ROR2: variants seen among roughly 807,000 people sequenced by gnomAD.
The protein encoded by ROR2 is tyrosine-protein kinase transmembrane receptor ROR2.
A neutral mutation model predicts 74.9 loss-of-function variants in ROR2; 33 were observed. That is an observed-to-expected ratio of 0.44 (90% CI 0.33 to 0.59). ROR2 has a LOEUF of 0.59. Among genes scored for constraint, ROR2 ranks in the 20% least tolerant of loss-of-function variants. The pLI is 0.02. For synonymous variants in ROR2, 586 were observed against 558.7 expected (o/e 1.05, Z -0.69); for missense variants, 1,216 against 1,313.8 (o/e 0.93, Z 1.15).
chr9:91,730,889 A>C (rs1837215645), intron 7 of ROR2, 21 bp downstream of exon 7: 4 of 1,614,012 alleles, frequency 2.5e-6, no homozygotes, highest in Non-Finnish European at 3.4e-6. Flanking sequence ...CACATTAAAA[A>C]AAGAGAGAGA....
At chr9:91,938,851 A>G (rs1831772942) in intron 1 of ROR2, among the ~76,000 whole-genome samples, 1 of 152,244 alleles carries the variant, frequency 6.6e-6, no homozygotes, top group Admixed American at 6.5e-5. Flanking sequence ...TTTGGCTCCC[A>G]TTAAAAGACA....
intron 1 of ROR2, among the ~76,000 whole-genome samples, chr9:91,937,049 ATTTCCC>A (rs1278170443): frequency 6.7e-5 from 10 of 148,656 alleles, no homozygotes; most frequent in African/African-American, 2.2e-4. Context: ...AAAAAAAAAG[ATTTCCC>A]ATCTTCTACT....
chr9:91,832,883 T>C (rs1382102325), intron 1 of ROR2, among the ~76,000 whole-genome samples: 2 of 152,154 alleles, frequency 1.3e-5, no homozygotes, highest in African/African-American at 2.4e-5. Flanking sequence ...GGGCCTCCTA[T>C]AGCCCCAAAC....
At chr9:91,925,740 G>C (rs534001495) in intron 1 of ROR2, among the ~76,000 whole-genome samples, 1 of 152,284 alleles carries the variant, frequency 6.6e-6, no homozygotes, top group African/African-American at 2.4e-5. Context: ...GAGAGCCAGA[G>C]AGAAGAAAAC....
chr9:91,754,320 T>C (rs1825675133), intron 4 of ROR2, among the ~76,000 whole-genome samples: 1 of 151,090 alleles, frequency 6.6e-6, no homozygotes. Context: ...AATATATTTA[T>C]GTAACTATAT....
intron 1 of ROR2, among the ~76,000 whole-genome samples, chr9:91,814,901 G>A (rs925293288): frequency 1.3e-5 from 2 of 152,196 alleles, no homozygotes; most frequent in African/African-American, 4.8e-5. Context: ...GGCCCGGCTG[G>A]TTTCCACGGG....
chr9:91,804,002 G>A (rs550378125), intron 1 of ROR2, among the ~76,000 whole-genome samples: 39 of 152,272 alleles, frequency 2.6e-4, no homozygotes, highest in Admixed American at 4.6e-4. Context: ...TTGAGATTTC[G>A]TTATTAATTT....
chr9:91,845,310 G>A (rs544592954), intron 1 of ROR2, among the ~76,000 whole-genome samples: 35 of 152,242 alleles, frequency 2.3e-4, no homozygotes, highest in South Asian at 1.2e-3. Flanking sequence ...GCTGCAACCA[G>A]CCAGAGCCAC....
chr9:91,935,449 A>T (rs1230869579), intron 1 of ROR2, among the ~76,000 whole-genome samples: 1 of 152,236 alleles, frequency 6.6e-6, no homozygotes, highest in Non-Finnish European at 1.5e-5. Flanking sequence ...ATTTGGTCCT[A>T]ACACAGCCTC....
intron 1 of ROR2, among the ~76,000 whole-genome samples, chr9:91,903,977 C>T (rs1463711548): frequency 6.6e-6 from 1 of 152,058 alleles, no homozygotes; most frequent in African/African-American, 2.4e-5. Flanking sequence ...TGTGAACCAT[C>T]CCACAAGGTA....
intron 1 of ROR2, 147 bp from the exon 2 acceptor site, chr9:91,775,965 T>C: frequency 5.6e-6 from 4 of 720,194 alleles, no homozygotes; most frequent in South Asian, 3.0e-5. Context: ...TGGTAACCTC[T>C]AGAGGGATTT....
chr9:91,741,215 G>GA (rs1825226147), intron 4 of ROR2, among the ~76,000 whole-genome samples: 1 of 151,744 alleles, frequency 6.6e-6, no homozygotes, highest in African/African-American at 2.4e-5. Flanking sequence ...CAGGGGAATC[G>GA]CTTGAACCCG....
chr9:91,778,466 T>A (rs185625734), intron 1 of ROR2, among the ~76,000 whole-genome samples: 4 of 152,304 alleles, frequency 2.6e-5, no homozygotes, highest in African/African-American at 9.6e-5. Flanking sequence ...GCAGGCACCC[T>A]TGCACCCCAG....
At position 91,756,064 on chromosome 9, in the gene ROR2, T is replaced by TA; in HGVS notation, c.494+6dup. ...CAGAACACGGCTTGGGGAAAACAGA[T>TA]ACTTACTGAAAGTTATGATTTGGGC... On this transcript the variant is annotated splice_region_variant and intron_variant, in intron 4 of 8. Coordinates refer to ENST00000375708, the MANE Select transcript of ROR2 (RefSeq NM_004560.4). 6.2e-7 allele frequency: 1 copy of TA among 1,613,926 alleles called. No individual in the cohort carries two copies. The highest frequency in any genetic ancestry group is 8.5e-7 in the Non-Finnish European group (1 of 1,179,762).
intron 5 of ROR2, among the ~76,000 whole-genome samples, chr9:91,734,315 G>A (rs542296743): frequency 6.6e-6 from 1 of 152,272 alleles, no homozygotes; most frequent in African/African-American, 2.4e-5. Flanking sequence ...TTGAGCTTGG[G>A]GACAGTGGAG....
intron 8 of ROR2, among the ~76,000 whole-genome samples, chr9:91,725,621 G>C (rs1485722043): frequency 6.6e-6 from 1 of 152,214 alleles, no homozygotes; most frequent in African/African-American, 2.4e-5. Flanking sequence ...CAAGCCAGTT[G>C]TTCTACAGAG....
intron 1 of ROR2, among the ~76,000 whole-genome samples, chr9:91,915,479 G>A (rs1290704733): frequency 6.6e-6 from 1 of 152,134 alleles, no homozygotes; most frequent in Non-Finnish European, 1.5e-5. Flanking sequence ...CGGTGGGTTC[G>A]TGGTCTTCCT....
At chr9:91,931,684 A>G (rs1240417890) in intron 1 of ROR2, among the ~76,000 whole-genome samples, 1 of 152,186 alleles carries the variant, frequency 6.6e-6, no homozygotes, top group Non-Finnish European at 1.5e-5. Flanking sequence ...AAAATGCAAT[A>G]AAACCACAAA....
In ROR2 at chr9:91,946,622, C is replaced by G. The variant is rs373754161; in HGVS notation, c.97+3245G>C. Among the ~76,000 whole-genome samples, 6 of 152,334 alleles carry G rather than the reference C, an allele frequency of 3.9e-5. No individual in the cohort carries two copies. The East Asian group carries it at 1.2e-3, about 29-fold the overall frequency. The stretch of plus-strand genomic sequence containing the variant: ...GTAGCGTTAACTTTCTTTTCCCTGA[C>G]TACAATGTGGAATTATATAATTAGA... On this transcript the variant is annotated intron_variant, in intron 1 of 8. Transcript: ENST00000375708.
Sources: gnomAD v4.1 joint callset for allele counts (sites outside exome capture counted in the v4.1 genomes callset) on GRCh38, gnomAD v4.1.1 for gene constraint, MANE v1.5 for transcripts, NCBI Gene and HGNC (gene_info 2026-07-23, HGNC 2026-07-21) for gene names.